The following SEMA4A variants were observed in gnomAD, a reference collection of about 807,000 sequenced individuals.
SEMA4A encodes semaphorin-4A.
In SEMA4A, 52 loss-of-function variants were observed where a neutral mutation model predicts 72.5. The observed-to-expected ratio is 0.72, with a 90% CI of 0.57 to 0.90. The LOEUF is 0.90. SEMA4A is among the 40% of genes least tolerant of loss of function. The pLI is 0.00. For synonymous variants in SEMA4A, 369 were observed against 393.1 expected (o/e 0.94, Z 0.73); for missense variants, 926 against 959.7 (o/e 0.96, Z 0.46).
chr1:156,150,770 T>C (rs1179864611), upstream of SEMA4A, among the ~76,000 whole-genome samples: 2 of 152,008 alleles, frequency 1.3e-5, no homozygotes, highest in African/African-American at 4.8e-5. Flanking sequence ...CTCTGCACAA[T>C]AGAACCTGGC....
intron 10 of SEMA4A, among the ~76,000 whole-genome samples, chr1:156,169,987 T>A (rs954218244): frequency 6.6e-6 from 1 of 151,814 alleles, no homozygotes; most frequent in Non-Finnish European, 1.5e-5. Context: ...ATCGTGCCAC[T>A]GCACTCCAGC....
chr1:156,171,778 A>C (rs56717009), intron 10 of SEMA4A, among the ~76,000 whole-genome samples: 2 of 149,314 alleles, frequency 1.3e-5, no homozygotes, highest in Admixed American at 6.7e-5. Flanking sequence ...TTAATTAATT[A>C]ATTAATTTAT....
chr1:156,166,630 A>C (rs566777979), intron 10 of SEMA4A, among the ~76,000 whole-genome samples: 16 of 152,238 alleles, frequency 1.1e-4, no homozygotes, highest in African/African-American at 3.6e-4. Context: ...AGAGACAGTG[A>C]AAGAAAAAAG....
intron 10 of SEMA4A, among the ~76,000 whole-genome samples, chr1:156,172,027 G>A (rs560584421): frequency 2.8e-4 from 42 of 151,514 alleles, no homozygotes; most frequent in African/African-American, 9.9e-4. Flanking sequence ...TTCGTGATCC[G>A]CCAGCCTCGG....
chr1:156,154,993 T>C (rs995073700), intron 2 of SEMA4A: 3 of 505,090 alleles, frequency 5.9e-6, no homozygotes, highest in African/African-American at 5.8e-5. Flanking sequence ...TTGGTAATTT[T>C]TCTTTCCTTC....
rs1326904627 is a variant in SEMA4A, at chr1:156,157,697, A to G, written c.301-373A>G. Among the ~76,000 whole-genome samples the G allele has an allele frequency of 6.6e-6, 1 of 152,186 alleles. No homozygotes were observed. The highest frequency in any genetic ancestry group is 1.5e-5 in the Non-Finnish European group (1 of 68,002). On this transcript the variant is annotated intron_variant, in intron 3 of 14. Coordinates refer to ENST00000368285, the MANE Select transcript of SEMA4A (RefSeq NM_022367.4). This position sits in a 1 kb window ranked among gnomAD's most constrained non-coding sequence, Gnocchi z 4.5. The stretch of plus-strand genomic sequence containing the variant: ...ACTTGTTAAACAATTTCCCCAGGAA[A>G]TGTGCGGTTTGACAACTGCTGCCAT...
rs555300408 is a variant in SEMA4A at position 156,177,105 on chromosome 1, C to T, written c.*108C>T. 85 of 953,746 alleles carry T rather than the reference C, an allele frequency of 8.9e-5. No homozygotes were observed. The highest frequency in any genetic ancestry group is 5.1e-4 in the Admixed American group (26 of 51,162). 59.1% of individuals were successfully genotyped at this position (953,746 alleles called of 1,614,324 possible). On this transcript the variant is annotated 3_prime_UTR_variant, in exon 15 of 15. Transcript: ENST00000368285. ...CAGCAGCACAAAAGACCACCTTTCT[C>T]CCCTGAGAGGAGCTTCTGCTACTCT...
intron 5 of SEMA4A, 90 bp from the exon 6 acceptor site, chr1:156,158,629 C>T: frequency 1.5e-6 from 2 of 1,336,048 alleles, no homozygotes; most frequent in East Asian, 4.6e-5. Context: ...CAATTTCCCT[C>T]TATGTCCCTT....
Position 156,177,127 on chromosome 1 carries a change from C to T in SEMA4A, c.*130C>T. The T allele has an allele frequency of 6.2e-6, 5 of 800,066 alleles. No homozygotes were observed. The South Asian group carries it at 7.2e-5, about 12-fold the overall frequency. 49.6% of individuals were successfully genotyped at this position (800,066 alleles called of 1,614,324 possible). A position where few individuals can be genotyped will look rare whatever the true frequency, so the allele number is the denominator to read the frequency against. ...TCTCCCCTGAGAGGAGCTTCTGCTA[C>T]TCTGCATCACTGATGACACTCAGCA... On this transcript the variant is annotated 3_prime_UTR_variant, in exon 15 of 15. Coordinates refer to ENST00000368285, the MANE Select transcript of SEMA4A (RefSeq NM_022367.4).
At chr1:156,148,033 G>A (rs1487245854), upstream of SEMA4A, among the ~76,000 whole-genome samples, 2 of 152,204 alleles carry the variant, frequency 1.3e-5, no homozygotes, top group East Asian at 1.9e-4. Context: ...CCCAAAGTCC[G>A]GCTGGGTGAC....
intron 14 of SEMA4A, 99 bp from the exon 15 acceptor site, chr1:156,176,306 A>AT: frequency 1.0e-6 from 1 of 991,082 alleles, no homozygotes; most frequent in South Asian, 1.5e-5. Context: ...AAAAAAAAAA[A>AT]AAAAAGAGGG....
In SEMA4A at chr1:156,175,657, G is replaced by A. The variant is rs772953024; in HGVS notation, c.1693+1G>A. On this transcript the variant is annotated splice_donor_variant, in intron 14 of 14. Transcript: ENST00000368285. LOFTEE classifies it high-confidence loss of function. ...CGGCCTCAGAGCCGCCCGCAAATCA[G>A]TGAGTGTAGGACCACTCACCAGGGG... 2 of 1,598,878 alleles carry A rather than the reference G, an allele frequency of 1.3e-6. No homozygotes were observed. The highest frequency in any genetic ancestry group is 1.7e-6 in the Non-Finnish European group (2 of 1,171,228).
chr1:156,161,583 G>A (rs1004278269), intron 9 of SEMA4A, 65 bp downstream of exon 9: 3 of 1,572,400 alleles, frequency 1.9e-6, no homozygotes, highest in Non-Finnish European at 1.7e-6. Context: ...GCCCCAGCTC[G>A]TGAGCGGAGG....
chr1:156,172,975 G>A lies in SEMA4A; in HGVS notation c.1284G>A (p.Gly428=), dbSNP rs779663369. The part of the protein sequence containing the change: ...LAVETAQGLD[G]HSHLVMYLGT... ...TGGAGACAGCCCAGGGCCTTGATGG[G>A]CACAGCCATCTTGTCATGTACCTGG... is the stretch of plus-strand genomic sequence containing the variant. The change falls in exon 11 of 15, where the codon GGG becomes GGA. Residue 428 remains glycine, a synonymous_variant. Coordinates refer to ENST00000368285, the MANE Select transcript of SEMA4A (RefSeq NM_022367.4). 6.2e-7 allele frequency: 1 copy of A among 1,614,090 alleles called. No homozygotes were observed. Among genetic ancestry groups the A allele is most frequent in the Non-Finnish European group, 8.5e-7 (1 of 1,179,946 alleles).
At chr1:156,173,648 T>C (rs925716800) in intron 11 of SEMA4A, among the ~76,000 whole-genome samples, 5 of 151,976 alleles carry the variant, frequency 3.3e-5, no homozygotes, top group Non-Finnish European at 7.4e-5. Flanking sequence ...AGTGAAGCTG[T>C]AGCAGCGGGG....
In SEMA4A at chr1:156,176,925, T is replaced by A. The variant is rs1225548451; in HGVS notation, c.2214T>A (p.Ser738=). The change falls in exon 15 of 15, where the codon TCT becomes TCA. Residue 738 remains serine (S), a synonymous_variant. Transcript: ENST00000368285. ...TAAGCAGAGAGCAACACCTCCAGTC[T>A]CCCAAGGAATGCAGGACCTCTGCCA... ...APLSREQHLQ[S]PKECRTSASD... is the part of the protein sequence containing the mutation. 6.2e-7 allele frequency: 1 copy of A among 1,614,130 alleles called. No individual in the cohort carries two copies.
At chr1:156,152,523 A>G (rs1652621066), upstream of SEMA4A, among the ~76,000 whole-genome samples, 1 of 152,146 alleles carries the variant, frequency 6.6e-6, no homozygotes, top group Admixed American at 6.5e-5. Flanking sequence ...TCTTGATTCT[A>G]AGAAACTGGA....
At position 156,160,954 on chromosome 1, in the gene SEMA4A, C is replaced by A. The variant is rs1553269430; in HGVS notation, c.735C>A (p.Phe245Leu). 2 of 1,613,422 alleles carry A rather than the reference C, an allele frequency of 1.2e-6. No individual in the cohort carries two copies. The highest frequency in any genetic ancestry group is 1.7e-6 in the Non-Finnish European group (2 of 1,179,858). The stretch of plus-strand genomic sequence containing the variant: ...TCCCTTCGACCCAGGTCGTCTACTT[C>A]TTCTTCGAGGAGACAGCCAGCGAGT... ...AAIPSTQVVY[F>L]FFEETASEFD... Residue 245 changes from phenylalanine (F) to leucine (L), a missense_variant, in exon 8 of 15, where the codon TTC (phenylalanine) becomes TTA (leucine). Physicochemically the swap from Phe to Leu is conservative, Grantham distance 22. Coordinates refer to ENST00000368285, the MANE Select transcript of SEMA4A (RefSeq NM_022367.4).
chr1:156,150,109 A>T (rs1652411108), upstream of SEMA4A: 1 of 134,578 alleles, frequency 7.4e-6, no homozygotes, highest in African/African-American at 2.9e-5. Context: ...GGAGCGGGGG[A>T]GCTGACAGTT....
Sources: gnomAD v4.1 joint callset for allele counts (sites outside exome capture counted in the v4.1 genomes callset) on GRCh38, gnomAD v4.1.1 for gene constraint, Gnocchi (gnomAD v3.1) non-coding constraint, MANE v1.5 for transcripts, NCBI Gene and HGNC (gene_info 2026-07-23, HGNC 2026-07-21) for gene names.